Variants in CACNA1E observed in about 807,000 individuals in gnomAD.
The protein encoded by CACNA1E is calcium voltage-gated channel subunit alpha1 E, also known as voltage-dependent R-type calcium channel subunit alpha-1E.
A neutral mutation model predicts 259.2 loss-of-function variants in CACNA1E; 40 were observed. The ratio of observed to expected loss-of-function variants is 0.15; its 90% CI spans 0.12 to 0.20. CACNA1E has a LOEUF of 0.20. CACNA1E is among the 10% of genes least tolerant of loss of function. The probability of loss-of-function intolerance (pLI) is 1.00; values close to 1 mark genes in which losing one functional copy is unlikely to be tolerated. For missense variants in CACNA1E, 1,874 were observed against 3,040.1 expected (o/e 0.62, Z 9.02); for synonymous variants, 1,104 against 1,138.5 (o/e 0.97, Z 0.61).
chr1:181,658,591 C>T (rs1359650146), intron 7 of CACNA1E, among the ~76,000 whole-genome samples: 1 of 152,076 alleles, frequency 6.6e-6, no homozygotes, highest in Non-Finnish European at 1.5e-5. Flanking sequence ...GTCCAGGTGG[C>T]ATCACCTGCT....
At position 181,636,983 on chromosome 1, in the gene CACNA1E, C is replaced by T. The variant is rs1481246565; in HGVS notation, c.952-14355C>T. On this transcript the variant is annotated intron_variant, in intron 6 of 47. Coordinates refer to ENST00000367573, the MANE Select transcript of CACNA1E (RefSeq NM_001205293.3). The stretch of plus-strand genomic sequence containing the variant: ...GCTGCCCTCTCCCCTCTTCAATATG[C>T]ACCCCCATCCCTGAGAGAAGTGATT... Among the ~76,000 whole-genome samples, 3 of 152,208 alleles carry T rather than the reference C, an allele frequency of 2.0e-5. No individual in the cohort carries two copies. In the East Asian group the frequency reaches 5.8e-4, roughly 29 times the overall value.
chr1:181,345,978 C>G (rs1359654680), intron 1 of CACNA1E, among the ~76,000 whole-genome samples: 1 of 152,184 alleles, frequency 6.6e-6, no homozygotes, highest in Non-Finnish European at 1.5e-5. Flanking sequence ...TCAGGCAGGA[C>G]CAGGTGTTTC....
intron 1 of CACNA1E, among the ~76,000 whole-genome samples, chr1:181,492,552 C>A (rs547167226): frequency 6.6e-6 from 1 of 152,240 alleles, no homozygotes; most frequent in South Asian, 2.1e-4. Context: ...ATATTTAGAA[C>A]AAAGTCATTA....
intron 37 of CACNA1E, among the ~76,000 whole-genome samples, chr1:181,775,569 G>C (rs1184550631): frequency 1.3e-5 from 2 of 152,192 alleles, no homozygotes; most frequent in Admixed American, 1.3e-4. Flanking sequence ...TAGATCAGTG[G>C]TTGGCAAACT....
At chr1:181,586,290 T>C (rs957547986) in intron 6 of CACNA1E, among the ~76,000 whole-genome samples, 1 of 152,278 alleles carries the variant, frequency 6.6e-6, no homozygotes, top group African/African-American at 2.4e-5. Flanking sequence ...GCTCATTTGA[T>C]ACAGTAGTAT....
intron 3 of CACNA1E, among the ~76,000 whole-genome samples, chr1:181,511,873 G>A (rs1029702175): frequency 5.3e-5 from 8 of 152,312 alleles, no homozygotes; most frequent in East Asian, 1.9e-4. Context: ...GCTTACCCCC[G>A]CCTGGGAGGC....
chr1:181,700,966 C>T (rs1652191962), intron 7 of CACNA1E, among the ~76,000 whole-genome samples: 1 of 152,198 alleles, frequency 6.6e-6, no homozygotes, highest in Admixed American at 6.5e-5. Context: ...TTTCTGTGAG[C>T]TTTGGGCCTT....
chr1:181,785,701 C>T lies in CACNA1E; in HGVS notation c.5680-12C>T, dbSNP rs765342483. ...TGGAATTCTTTCCTTCTTCTTCCCT[C>T]TTTTTACCCAGAAAAATGCCCCCAT... is the stretch of plus-strand genomic sequence containing the variant. On this transcript the variant is annotated splice_polypyrimidine_tract_variant and intron_variant, in intron 42 of 47. Transcript: ENST00000367573. 1.3e-6 allele frequency: 2 copies of T among 1,589,084 alleles called. No homozygotes were observed. The highest frequency in any genetic ancestry group is 2.2e-5 in the South Asian group (2 of 90,268).
chr1:181,354,022 C>T (rs189882546), intron 1 of CACNA1E, among the ~76,000 whole-genome samples: 35 of 152,330 alleles, frequency 2.3e-4, no homozygotes, highest in Non-Finnish European at 4.4e-4. Context: ...GGTCTAATTG[C>T]CCTGCTGCCT....
At chr1:181,643,592 G>A (rs1265170991) in intron 6 of CACNA1E, among the ~76,000 whole-genome samples, 2 of 152,154 alleles carry the variant, frequency 1.3e-5, no homozygotes, top group African/African-American at 2.4e-5. Flanking sequence ...GCAGCTGACC[G>A]GCCAGAGCTC....
intron 7 of CACNA1E, among the ~76,000 whole-genome samples, chr1:181,688,354 C>G (rs1188561542): frequency 2.0e-5 from 3 of 152,260 alleles, no homozygotes; most frequent in South Asian, 2.1e-4. Context: ...GAGCAGAATT[C>G]TACACAGCAG....
In CACNA1E at chr1:181,776,826, T is replaced by C. The variant is rs76363325; in HGVS notation, c.5267+598T>C. 4.6e-3 allele frequency among the ~76,000 whole-genome samples: 706 copies of C among 152,350 alleles called. 10 individuals carry two copies. The highest frequency in any genetic ancestry group is 0.016 in the African/African-American group (678 of 41,574). ...TTGCTGTTTAGTAGTTCTGAAGTGATAGCGTGCCTTCTAGGCTCTAGAGCA... is the reference window on the plus strand; with the variant it reads ...TTGCTGTTTAGTAGTTCTGAAGTGACAGCGTGCCTTCTAGGCTCTAGAGCA... On this transcript the variant is annotated intron_variant, in intron 38 of 47. Transcript: ENST00000367573. The surrounding 1 kb of genome is among the most constrained non-coding windows in gnomAD (Gnocchi z 4.4).
chr1:181,611,399 AGT>A (rs1165065953), intron 6 of CACNA1E, among the ~76,000 whole-genome samples: 2 of 143,650 alleles, frequency 1.4e-5, no homozygotes, highest in Non-Finnish European at 3.0e-5. Flanking sequence ...TTTTTAAGTC[AGT>A]GTTTTTTTTT....
chr1:181,345,260 C>T (rs1652501101), intron 1 of CACNA1E, among the ~76,000 whole-genome samples: 1 of 152,262 alleles, frequency 6.6e-6, no homozygotes. Context: ...CATTGGAGTG[C>T]TGGTAGCTAT....
intron 6 of CACNA1E, among the ~76,000 whole-genome samples, chr1:181,642,501 A>G (rs916119833): frequency 2.0e-5 from 3 of 152,182 alleles, no homozygotes; most frequent in African/African-American, 7.2e-5. Flanking sequence ...AAACGTTCAC[A>G]ATAGAGGATA....
At chr1:181,784,846 T>C in intron 41 of CACNA1E, 78 bp downstream of exon 41, 1 of 825,854 alleles carries the variant, frequency 1.2e-6, no homozygotes, top group East Asian at 2.7e-5. Flanking sequence ...GAACCCAGAG[T>C]GATCAAAGAG....
At position 181,783,659 on chromosome 1, in the gene CACNA1E, C is replaced by G; in HGVS notation, c.5365-20C>G. On this transcript the variant is annotated intron_variant, in intron 39 of 47. Transcript: ENST00000367573. ...TTTTTTTTTTTTTTGCCTGCTGTTT[C>G]TTTTTTCTCTTTCACACAGAGGTTG... is the stretch of plus-strand genomic sequence containing the variant. 4 of 1,162,034 alleles carry G rather than the reference C, an allele frequency of 3.4e-6. No homozygotes were observed. Among genetic ancestry groups the G allele is most frequent in the Non-Finnish European group, 4.7e-6 (4 of 852,904 alleles). The allele number at this position is 1,162,034 out of a possible 1,614,324, so 72.0% of individuals were successfully genotyped here.
Position 181,463,380 on chromosome 1 carries a change from G to C in CACNA1E, c.435-20364G>C, listed in dbSNP as rs1661946043. 8.5e-5 allele frequency among the ~76,000 whole-genome samples: 13 copies of C among 152,184 alleles called. 1 individual carries two copies. The South Asian group carries it at 2.7e-3, about 32-fold the overall frequency. On this transcript the variant is annotated intron_variant, in intron 2 of 11. Transcript: ENST00000524607. Reference sequence around the variant, plus strand: ...AACTGTGGATAAGGTGGGGACTACTGTATTATCTAACACATTGCTTTTCAG... The same window carrying C: ...AACTGTGGATAAGGTGGGGACTACTCTATTATCTAACACATTGCTTTTCAG...
At chr1:181,365,684 A>G (rs1481004247) in intron 1 of CACNA1E, among the ~76,000 whole-genome samples, 1 of 152,210 alleles carries the variant, frequency 6.6e-6, no homozygotes. Context: ...AGGGAGGGGC[A>G]TCCCAGCAAG....
Sources: allele counts gnomAD v4.1 joint callset (sites outside exome capture counted in the v4.1 genomes callset), GRCh38; gene constraint gnomAD v4.1.1; non-coding constraint Gnocchi (gnomAD v3.1); transcripts MANE v1.5; gene names NCBI Gene and HGNC (gene_info 2026-07-23, HGNC 2026-07-21).